The following PDE3A variants were observed in gnomAD, a reference collection of about 807,000 sequenced individuals.
The protein encoded by PDE3A is cGMP-inhibited 3',5'-cyclic phosphodiesterase 3A.
PDE3A carries 43 observed loss-of-function variants against 98.3 expected under a neutral mutation model. The observed-to-expected ratio is 0.44, with a 90% confidence interval of 0.34 to 0.56. The LOEUF (loss-of-function observed/expected upper bound fraction) is 0.56, where lower values mean the gene tolerates loss of function less well. Among genes scored for constraint, PDE3A ranks in the 20% least tolerant of loss-of-function variants. The pLI, the probability that PDE3A is intolerant of heterozygous loss-of-function variation, is 0.01. For missense variants in PDE3A, 1,427 were observed against 1,440.7 expected (o/e 0.99, Z 0.15); for synonymous variants, 663 against 567.9 (o/e 1.17, Z -2.38).
intron 1 of PDE3A, among the ~76,000 whole-genome samples, chr12:20,504,642 C>A (rs1450999784): frequency 6.6e-6 from 1 of 152,054 alleles, no homozygotes; most frequent in African/African-American, 2.4e-5. Context: ...CTTGCCTTTT[C>A]CAGCTTCTAG....
At chr12:20,523,270 C>G (rs1946462238) in intron 1 of PDE3A, among the ~76,000 whole-genome samples, 1 of 152,162 alleles carries the variant, frequency 6.6e-6, no homozygotes, top group Admixed American at 6.5e-5. Context: ...GCCAGGGCTT[C>G]TTGCCATACA....
intron 1 of PDE3A, among the ~76,000 whole-genome samples, chr12:20,516,417 C>T (rs1299866677): frequency 1.3e-5 from 2 of 152,094 alleles, no homozygotes; most frequent in African/African-American, 4.8e-5. Context: ...GGTAGTGAAA[C>T]AATCCTGTAA....
At chr12:20,480,934 C>T (rs7132976) in intron 1 of PDE3A, among the ~76,000 whole-genome samples, 1 of 152,066 alleles carries the variant, frequency 6.6e-6, no homozygotes, top group Non-Finnish European at 1.5e-5. Flanking sequence ...AACTTGCTAG[C>T]GTTAACCAGT....
chr12:20,667,120 T>A lies in PDE3A; in HGVS notation c.3185-12910T>A, dbSNP rs537136822. Among the ~76,000 whole-genome samples, 12 of 152,296 alleles carry A rather than the reference T, an allele frequency of 7.9e-5. No homozygotes were observed. The South Asian group carries it at 2.3e-3, about 29-fold the overall frequency. The stretch of plus-strand genomic sequence containing the variant: ...TGTCCTTGCCCACTTTTTAATAGAA[T>A]TTTTTTGTTTTTGTTTTTTAACTGT... On this transcript the variant is annotated intron_variant, in intron 15 of 15. Transcript: ENST00000359062.
At chr12:20,665,520 A>C (rs1214061372) in intron 15 of PDE3A, among the ~76,000 whole-genome samples, 1 of 152,202 alleles carries the variant, frequency 6.6e-6, no homozygotes, top group Non-Finnish European at 1.5e-5. Context: ...AGGTTTGTCC[A>C]AGGCTCCCTC....
chr12:20,545,643 C>G (rs1012114310), intron 1 of PDE3A, among the ~76,000 whole-genome samples: 2 of 151,834 alleles, frequency 1.3e-5, no homozygotes, highest in Admixed American at 6.6e-5. Context: ...CAGGAGAAAG[C>G]TAAATTGTTT....
In PDE3A at chr12:20,509,788, A is replaced by AT. The variant is rs533530647; in HGVS notation, c.961-46865dup. On this transcript the variant is annotated intron_variant, in intron 1 of 15. Transcript: ENST00000359062. ...AATAAACAAAAAATGAAGCTCATAT[A>AT]TTTTTTTACCACTGTCTAGAAACCA... Among the ~76,000 whole-genome samples the AT allele has an allele frequency of 3.0e-3, 443 of 149,606 alleles. 7 individuals are homozygous for AT. The highest frequency in any genetic ancestry group is 1.3e-3 in the East Asian group (6 of 4,760).
chr12:20,601,288 T>C (rs1943585729), intron 2 of PDE3A, among the ~76,000 whole-genome samples: 8 of 152,142 alleles, frequency 5.3e-5, no homozygotes, highest in Admixed American at 2.0e-4. Context: ...TCGTTTCTGC[T>C]GTTTTCAGAG....
In PDE3A at chr12:20,684,996, G is replaced by T. The variant is rs796145863; in HGVS notation, c.*4725G>T. Among the ~76,000 whole-genome samples, 11 of 152,272 alleles carry T rather than the reference G, an allele frequency of 7.2e-5. No individual in the cohort carries two copies. Among genetic ancestry groups the T allele is most frequent in the African/African-American group, 2.6e-4 (11 of 41,572 alleles). ...GCAATGTGTGCTATTGCCAACACATGGTATTTGTTGAAATACATGTTGCTT... is the reference window on the plus strand; with the variant it reads ...GCAATGTGTGCTATTGCCAACACATTGTATTTGTTGAAATACATGTTGCTT... On this transcript the variant is annotated 3_prime_UTR_variant, in exon 16 of 16. Coordinates refer to ENST00000359062, the MANE Select transcript of PDE3A (RefSeq NM_000921.5).
chr12:20,541,218 T>G (rs1325350002), intron 1 of PDE3A, among the ~76,000 whole-genome samples: 1 of 149,266 alleles, frequency 6.7e-6, no homozygotes, highest in East Asian at 2.1e-4. Flanking sequence ...TGCCTCAGCA[T>G]CTAGAATAGC....
At chr12:20,465,419 GTTTA>G (rs956470271) in intron 1 of PDE3A, among the ~76,000 whole-genome samples, 3 of 151,926 alleles carry the variant, frequency 2.0e-5, no homozygotes, top group African/African-American at 7.2e-5. Context: ...TTATTTATTT[GTTTA>G]TTTTTTTGAG....
At position 20,376,863 on chromosome 12, in the gene PDE3A, A is replaced by G. The variant is rs186449871; in HGVS notation, c.960+6619A>G. Among the ~76,000 whole-genome samples the G allele has an allele frequency of 4.7e-3, 712 of 151,950 alleles. 5 individuals are homozygous for G. Among genetic ancestry groups the G allele is most frequent in the Admixed American group, 9.3e-3 (142 of 15,230 alleles). On this transcript the variant is annotated intron_variant, in intron 1 of 15. Transcript: ENST00000359062. ...TTTCGAAGATGGAAAGCTATTTGAG[A>G]GAAGTCACAAACTAAGCAATGTCTG...
intron 8 of PDE3A, 57 bp downstream of exon 8, chr12:20,635,113 A>G: frequency 6.8e-7 from 1 of 1,472,796 alleles, no homozygotes; most frequent in Non-Finnish European, 9.3e-7. Flanking sequence ...TCTGTTACAG[A>G]TATTGGCTCA....
At chr12:20,469,313 C>T (rs1945396512) in intron 1 of PDE3A, among the ~76,000 whole-genome samples, 2 of 152,046 alleles carry the variant, frequency 1.3e-5, no homozygotes, top group Admixed American at 6.6e-5. Context: ...CCATTTTTGC[C>T]TGCCTTCTGA....
At chr12:20,415,018 AT>A (rs35087882) in intron 1 of PDE3A, among the ~76,000 whole-genome samples, 73 of 149,964 alleles carry the variant, frequency 4.9e-4, no homozygotes, top group African/African-American at 1.7e-3. Context: ...TTAATAGCAC[AT>A]TTTTTTTTTG....
intron 1 of PDE3A, among the ~76,000 whole-genome samples, chr12:20,386,047 TATAA>T (rs1943763435): frequency 2.6e-5 from 1 of 38,978 alleles, no homozygotes; most frequent in South Asian, 7.6e-4. Context: ...ATAAAATATA[TATAA>T]ATATATATAA....
At position 20,621,409 on chromosome 12, in the gene PDE3A, C is replaced by T; in HGVS notation, c.1538C>T (p.Pro513Leu). 1 of 1,551,292 alleles carries T rather than the reference C, an allele frequency of 6.4e-7. No homozygotes were observed. Among genetic ancestry groups the T allele is most frequent in the Non-Finnish European group, 8.9e-7 (1 of 1,122,986 alleles). The change falls in exon 5 of 16, where the codon CCA becomes CTA. Residue 513 changes from proline to leucine, a missense_variant and splice_region_variant. Pro to Leu is a moderately conservative substitution (Grantham distance 98, BLOSUM62 -3). Coordinates refer to ENST00000359062, the MANE Select transcript of PDE3A (RefSeq NM_000921.5). ...NHVKAKKQSR[P>L]GALAKISPLS... ...GTAAAGGCTAAAAAGCAAAGTCGAC[C>T]AGGTAAGTAACTTAACTGGAGAAGG...
chr12:20,501,177 A>G (rs1044433930), intron 1 of PDE3A, among the ~76,000 whole-genome samples: 1 of 152,192 alleles, frequency 6.6e-6, no homozygotes, highest in Non-Finnish European at 1.5e-5. Flanking sequence ...TTCTCTTAAT[A>G]CTAGGTTCTC....
At position 20,613,698 on chromosome 12, in the gene PDE3A, A is replaced by G; in HGVS notation, c.1267A>G (p.Lys423Glu). Residue 423 changes from lysine to glutamate, a missense_variant and splice_region_variant, in exon 3 of 16, where the codon AAG becomes GAG. This residue lies in a region of PDE3A where 1,012 missense variants were observed against 886.5 expected (regional missense o/e 1.14). Coordinates refer to ENST00000359062, the MANE Select transcript of PDE3A (RefSeq NM_000921.5). ...SSEKDKLAIP[K>E]RLRRSLPPGL... is the part of the protein sequence containing the mutation. ...TGAAAAAGACAAGCTTGCTATTCCA[A>G]AGGTAGGTAGTAATGACATACCCCT... 6.2e-7 allele frequency: 1 copy of G among 1,613,324 alleles called. No individual in the cohort carries two copies. The highest frequency in any genetic ancestry group is 2.2e-5 in the East Asian group (1 of 44,862).
Sources: gnomAD v4.1 joint callset for allele counts (sites outside exome capture counted in the v4.1 genomes callset) on GRCh38, gnomAD v4.1.1 for gene constraint, gnomAD v4.1.1 regional missense constraint, MANE v1.5 for transcripts, NCBI Gene and HGNC (gene_info 2026-07-23, HGNC 2026-07-21) for gene names.